Variants in RPS6KA1 observed in about 807,000 individuals in gnomAD.
The protein encoded by RPS6KA1 is ribosomal protein S6 kinase A1.
RPS6KA1 carries 48 observed loss-of-function variants against 91.3 expected under a neutral mutation model. The ratio of observed to expected loss-of-function variants is 0.53; its 90% confidence interval spans 0.42 to 0.67. The LOEUF (loss-of-function observed/expected upper bound fraction) is 0.67. RPS6KA1 is among the 30% of genes least tolerant of loss of function. The pLI is 0.00. For missense variants in RPS6KA1, 719 were observed against 960.5 expected (o/e 0.75, Z 3.32); for synonymous variants, 359 against 384.7 (o/e 0.93, Z 0.78).
Position 26,554,273 on chromosome 1 carries a change from CCT to C in RPS6KA1, c.613+24_613+25del, listed in dbSNP as rs2076079108. 1.3e-6 allele frequency: 2 copies of C among 1,555,582 alleles called. No homozygotes were observed. Among genetic ancestry groups the C allele is most frequent in the Admixed American group, 1.9e-5 (1 of 51,286 alleles). ...ACTGGTGAGTGGAGGGCGCCTGCCC[CCT>C]CGGGACCCAGGGGAGGACAGGACAA... On this transcript the variant is annotated intron_variant, in intron 8 of 21. Transcript: ENST00000374168. This position sits in a 1 kb window ranked among gnomAD's most constrained non-coding sequence, Gnocchi z 4.6.
At position 26,571,989 on chromosome 1, in the gene RPS6KA1, C is replaced by T; in HGVS notation, c.1829+64C>T. 6.6e-7 allele frequency: 1 copy of T among 1,523,978 alleles called. No homozygotes were observed. 94.4% of individuals were successfully genotyped at this position (1,523,978 alleles called of 1,614,324 possible). ...GCCCTAGCACTTGGGCTGAGTGGTG[C>T]TTGTCTGATAGGAATGGCTCAGCCA... On this transcript the variant is annotated intron_variant, in intron 19 of 21. Transcript: ENST00000374168. The surrounding 1 kb of genome is among the most constrained non-coding windows in gnomAD (Gnocchi z 5.1).
At chr1:26,552,523 G>A (rs1283297658) in intron 6 of RPS6KA1, among the ~76,000 whole-genome samples, 2 of 81,518 alleles carry the variant, frequency 2.5e-5, no homozygotes, top group South Asian at 8.5e-4. Context: ...TTTTGCTCTT[G>A]TCACCCAGGC....
rs201413022 is a variant in RPS6KA1 at position 26,558,909 on chromosome 1, C to T, written c.1187C>T (p.Pro396Leu). The change falls in exon 14 of 22, where the codon CCG becomes CTG. Residue 396 changes from proline (P) to leucine (L), a missense_variant. Coordinates refer to ENST00000374168, the MANE Select transcript of RPS6KA1 (RefSeq NM_002953.4). This position sits in a 1 kb window ranked among gnomAD's most constrained non-coding sequence, Gnocchi z 4.0. ...LMEDDGKPRAPQAPLHSVVQQ... is the reference protein window; with the variant it reads ...LMEDDGKPRALQAPLHSVVQQ... ...GAAGACGACGGCAAGCCTCGTGCCC[C>T]GCAGGCACCCCTGCACTCGGTGGTA... 2.7e-5 allele frequency: 43 copies of T among 1,613,464 alleles called. No homozygotes were observed. Among genetic ancestry groups the T allele is most frequent in the Middle Eastern group, 3.3e-4 (2 of 6,080 alleles).
chr1:26,565,904 G>T (rs1472358263), intron 17 of RPS6KA1, among the ~76,000 whole-genome samples: 1 of 152,124 alleles, frequency 6.6e-6, no homozygotes, highest in Non-Finnish European at 1.5e-5. Context: ...GCCATTCAAT[G>T]TTGTCTTTGA....
At position 26,547,355 on chromosome 1, in the gene RPS6KA1, G is replaced by C. The variant is rs2076004627; in HGVS notation, c.307+85G>C. ...TTCAAGGGCCTTGGGTCTGGCAAGG[G>C]AGACAGCTCTGTCTTCAGGAGCACC... On this transcript the variant is annotated intron_variant, in intron 4 of 21. Transcript: ENST00000374168. The surrounding 1 kb of genome is among the most constrained non-coding windows in gnomAD (Gnocchi z 4.1). 1.3e-5 allele frequency: 14 copies of C among 1,088,496 alleles called. No individual in the cohort carries two copies. In the Admixed American group the frequency reaches 2.6e-4, roughly 20 times the overall value. The allele number at this position is 1,088,496 out of a possible 1,614,324, so 67.4% of individuals were successfully genotyped here. A position where few individuals can be genotyped will look rare whatever the true frequency, so the allele number is the denominator to read the frequency against.
At chr1:26,570,702 C>T (rs950042852) in intron 17 of RPS6KA1, among the ~76,000 whole-genome samples, 5 of 152,182 alleles carry the variant, frequency 3.3e-5, no homozygotes, top group African/African-American at 9.7e-5. Flanking sequence ...TGGGATACAG[C>T]AGTGAGCAAA....
rs781660914 is a variant in RPS6KA1, at chr1:26,574,426, A to G, written c.*225A>G. ...CTGCTGGTGGAAAGCGATTCACTGT[A>G]TAAACTTTTTTTTATGAAAAAAATG... On this transcript the variant is annotated 3_prime_UTR_variant, in exon 22 of 22. Transcript: ENST00000374168. This position sits in a 1 kb window ranked among gnomAD's most constrained non-coding sequence, Gnocchi z 4.3. The G allele has an allele frequency of 2.7e-6, 2 of 753,708 alleles. No homozygotes were observed. Among genetic ancestry groups the G allele is most frequent in the South Asian group, 2.8e-5 (2 of 72,618 alleles). The allele number at this position is 753,708 out of a possible 1,614,324, so 46.7% of individuals were successfully genotyped here.
chr1:26,537,534 C>G (rs932953441), intron 2 of RPS6KA1, among the ~76,000 whole-genome samples: 1 of 152,190 alleles, frequency 6.6e-6, no homozygotes, highest in Admixed American at 6.5e-5. Flanking sequence ...CCCCCTAGCC[C>G]CTGTTGCTGG....
intron 2 of RPS6KA1, among the ~76,000 whole-genome samples, chr1:26,541,355 G>A (rs1049486829): frequency 6.6e-6 from 1 of 151,692 alleles, no homozygotes; most frequent in Non-Finnish European, 1.5e-5. Context: ...AGGAGTTTGA[G>A]ACCACCCTGG....
Position 26,574,039 on chromosome 1 carries a change from C to CT in RPS6KA1, c.2086-39dup. The CT allele has an allele frequency of 6.3e-7, 1 of 1,599,814 alleles. No individual in the cohort carries two copies. Among genetic ancestry groups the CT allele is most frequent in the East Asian group, 2.2e-5 (1 of 44,494 alleles). On this transcript the variant is annotated intron_variant, in intron 21 of 21. Coordinates refer to ENST00000374168, the MANE Select transcript of RPS6KA1 (RefSeq NM_002953.4). The surrounding 1 kb of genome is among the most constrained non-coding windows in gnomAD (Gnocchi z 4.3). ...GGCATGGATCCCCTCCCCGCTACAT[C>CT]TCCCACCATTGTGACCTGACCTCCC...
Position 26,555,244 on chromosome 1 carries a change from T to A in RPS6KA1, c.827+23T>A. 1 of 1,611,756 alleles carries A rather than the reference T, an allele frequency of 6.2e-7. No homozygotes were observed. The highest frequency in any genetic ancestry group is 8.5e-7 in the Non-Finnish European group (1 of 1,177,948). ...GAAGTAAGCCCCAGCCCTGCCCTGA[T>A]AACAATGGACTCCTCCAAGCCCCAG... On this transcript the variant is annotated intron_variant, in intron 10 of 21. Coordinates refer to ENST00000374168, the MANE Select transcript of RPS6KA1 (RefSeq NM_002953.4). This position sits in a 1 kb window ranked among gnomAD's most constrained non-coding sequence, Gnocchi z 4.3.
At chr1:26,562,556 C>G (rs564862100) in intron 17 of RPS6KA1, among the ~76,000 whole-genome samples, 3 of 152,268 alleles carry the variant, frequency 2.0e-5, no homozygotes, top group African/African-American at 7.2e-5. Context: ...GTCCAAATGG[C>G]AGGGTCTGGC....
chr1:26,564,247 TTTAA>T (rs1449259279), intron 17 of RPS6KA1, among the ~76,000 whole-genome samples: 5 of 152,324 alleles, frequency 3.3e-5, no homozygotes, highest in African/African-American at 1.2e-4. Context: ...TTTAATTTTA[TTTAA>T]TTAATTAATT....
intron 2 of RPS6KA1, among the ~76,000 whole-genome samples, chr1:26,542,783 C>A (rs1056087155): frequency 2.6e-5 from 4 of 151,844 alleles, no homozygotes; most frequent in African/African-American, 7.3e-5. Context: ...ACTGGACAGT[C>A]GGACAGTGGC....
In RPS6KA1 at chr1:26,558,372, A is replaced by T. The variant is rs2076124169; in HGVS notation, c.1085-435A>T. Among the ~76,000 whole-genome samples, 1 of 152,176 alleles carries T rather than the reference A, an allele frequency of 6.6e-6. No individual in the cohort carries two copies. Among genetic ancestry groups the T allele is most frequent in the African/African-American group, 2.4e-5 (1 of 41,440 alleles). ...TGGAGAGAGAGGAGGTGAGGATCAC[A>T]GGGCCCTCAATTGCCAGACTCAGGA... On this transcript the variant is annotated intron_variant, in intron 13 of 21. Coordinates refer to ENST00000374168, the MANE Select transcript of RPS6KA1 (RefSeq NM_002953.4). This position sits in a 1 kb window ranked among gnomAD's most constrained non-coding sequence, Gnocchi z 4.0.
Position 26,536,946 on chromosome 1 carries a change from G to A in RPS6KA1, c.85G>A (p.Glu29Lys), listed in dbSNP as rs1557489027. 1 of 1,614,192 alleles carries A rather than the reference G, an allele frequency of 6.2e-7. No individual in the cohort carries two copies. The highest frequency in any genetic ancestry group is 2.2e-5 in the East Asian group (1 of 44,884). The change falls in exon 2 of 22, where the codon GAA (glutamate) becomes AAA (lysine). Residue 29 changes from glutamate to lysine, a missense_variant. Around this residue, in one of 5 missense-constraint regions of RPS6KA1, gnomAD observed 57 missense variants for 55.8 expected, o/e 1.02. Transcript: ENST00000374168. ...CCAGAATGGACAGACCTCAGGGGAAGAAGCTGGACTTCAGCCGTCCAAGGT... is the reference window on the plus strand; with the variant it reads ...CCAGAATGGACAGACCTCAGGGGAAAAAGCTGGACTTCAGCCGTCCAAGGT... ...DPENGQTSGE[E>K]AGLQPSKDEG...
intron 2 of RPS6KA1, among the ~76,000 whole-genome samples, chr1:26,537,888 A>T (rs927135941): frequency 1.3e-5 from 2 of 152,222 alleles, no homozygotes; most frequent in Non-Finnish European, 2.9e-5. Flanking sequence ...ACGATGAGAT[A>T]GTAACTGCCT....
Position 26,555,937 on chromosome 1 carries a change from A to C in RPS6KA1, c.916+312A>C. The C allele has an allele frequency of 2.1e-6, 1 of 466,080 alleles. No individual in the cohort carries two copies. The highest frequency in any genetic ancestry group is 3.9e-6 in the Non-Finnish European group (1 of 254,432). 28.9% of individuals were successfully genotyped at this position (466,080 alleles called of 1,614,324 possible). On this transcript the variant is annotated intron_variant, in intron 11 of 21. Transcript: ENST00000374168. This position sits in a 1 kb window ranked among gnomAD's most constrained non-coding sequence, Gnocchi z 4.3. The stretch of plus-strand genomic sequence containing the variant: ...AGCATGAGCTCAGGAGTCAGAAGGC[A>C]TAGGTCCCAATCCCGGCTCTGTGTC...
intron 2 of RPS6KA1, chr1:26,543,161 C>T (rs934004733): frequency 6.5e-7 from 1 of 1,535,674 alleles, no homozygotes; most frequent in South Asian, 1.2e-5. Context: ...TGAGCCCCAC[C>T]ATGCAGACCC....
Sources: allele counts gnomAD v4.1 joint callset (sites outside exome capture counted in the v4.1 genomes callset), GRCh38; gene constraint gnomAD v4.1.1; regional missense constraint gnomAD v4.1.1; non-coding constraint Gnocchi (gnomAD v3.1); transcripts MANE v1.5; gene names NCBI Gene and HGNC (gene_info 2026-07-23, HGNC 2026-07-21).